The following CFAP54 variants were observed in gnomAD, a reference collection of about 807,000 sequenced individuals.
The protein encoded by CFAP54 is cilia- and flagella-associated protein 54.
A neutral mutation model predicts 370.4 loss-of-function variants in CFAP54; 290 were observed. That is an observed-to-expected ratio of 0.78 (90% confidence interval 0.71 to 0.86). The LOEUF is 0.86. CFAP54 is among the 40% of genes least tolerant of loss of function. The pLI is 0.00. For missense variants in CFAP54, 3,399 were observed against 3,528.7 expected (o/e 0.96, Z 0.93); for synonymous variants, 1,206 against 1,236.5 (o/e 0.98, Z 0.52).
chr12:96,834,953 G>T (rs1164078225), intron 66 of CFAP54, among the ~76,000 whole-genome samples: 1 of 152,124 alleles, frequency 6.6e-6, no homozygotes, highest in Non-Finnish European at 1.5e-5. Flanking sequence ...TGCAGCCAGG[G>T]TGTCCCAATG....
chr12:96,544,732 G>A (rs1256040587), intron 14 of CFAP54, among the ~76,000 whole-genome samples: 1 of 152,090 alleles, frequency 6.6e-6, no homozygotes, highest in Non-Finnish European at 1.5e-5. Flanking sequence ...CTGAAACTGA[G>A]TAATTTATAA....
chr12:96,691,347 G>T, intron 44 of CFAP54, 37 bp downstream of exon 44: 6 of 1,463,138 alleles, frequency 4.1e-6, no homozygotes, highest in East Asian at 2.4e-5. Context: ...TATATCACTG[G>T]GATATTTTGC....
chr12:96,523,747 A>T (rs965499605), intron 8 of CFAP54, among the ~76,000 whole-genome samples: 1 of 152,126 alleles, frequency 6.6e-6, no homozygotes, highest in Admixed American at 6.5e-5. Flanking sequence ...TAAATATCCA[A>T]AGTTGCAAGA....
intron 14 of CFAP54, among the ~76,000 whole-genome samples, chr12:96,541,464 T>G (rs1242968260): frequency 6.6e-6 from 1 of 152,104 alleles, no homozygotes; most frequent in African/African-American, 2.4e-5. Context: ...TTTTGTATTT[T>G]TAGTAGAGAC....
chr12:96,763,785 G>GTA (rs1220431288), intron 58 of CFAP54, among the ~76,000 whole-genome samples: 2 of 151,856 alleles, frequency 1.3e-5, no homozygotes, highest in African/African-American at 4.8e-5. Flanking sequence ...TCTCAAAAAT[G>GTA]TATATATATA....
rs114097170 is a variant in CFAP54, at chr12:96,669,913, C to T, written c.5563+5981C>T. Reference sequence around the variant, plus strand: ...ACATGGAGCATAAACTTGAGGATGGCGTCCTGGATAGCACCAACATTTAGG... The same window carrying T: ...ACATGGAGCATAAACTTGAGGATGGTGTCCTGGATAGCACCAACATTTAGG... On this transcript the variant is annotated intron_variant, in intron 39 of 67. Transcript: ENST00000524981. Among the ~76,000 whole-genome samples, 814 of 152,206 alleles carry T rather than the reference C, an allele frequency of 5.3e-3. 5 individuals are homozygous for T. The highest frequency in any genetic ancestry group is 0.019 in the African/African-American group (777 of 41,512).
intron 66 of CFAP54, among the ~76,000 whole-genome samples, chr12:96,857,125 ATG>A (rs1959725818): frequency 1.3e-5 from 2 of 152,180 alleles, no homozygotes; most frequent in Non-Finnish European, 2.9e-5. Flanking sequence ...CAAGAACAGC[ATG>A]GAGGTAGCTG....
chr12:96,816,402 G>A (rs1009271445), intron 64 of CFAP54, among the ~76,000 whole-genome samples: 1 of 152,046 alleles, frequency 6.6e-6, no homozygotes, highest in Non-Finnish European at 1.5e-5. Context: ...ATTTTTCAAT[G>A]GGTAAGTTTT....
At chr12:96,618,041 G>T (rs1956441974) in intron 26 of CFAP54, among the ~76,000 whole-genome samples, 1 of 150,442 alleles carries the variant, frequency 6.6e-6, no homozygotes, top group South Asian at 2.1e-4. Context: ...CCCCCAAAAA[G>T]CTCTTCCATC....
intron 67 of CFAP54, among the ~76,000 whole-genome samples, chr12:96,873,635 T>C (rs980138043): frequency 2.0e-5 from 3 of 152,214 alleles, no homozygotes; most frequent in African/African-American, 4.8e-5. Flanking sequence ...AAGGGCAAGA[T>C]AGTAAATCTA....
intron 28 of CFAP54, among the ~76,000 whole-genome samples, chr12:96,624,779 T>C (rs1302934848): frequency 6.6e-6 from 1 of 152,190 alleles, no homozygotes; most frequent in Non-Finnish European, 1.5e-5. Context: ...TCTTGTGGGC[T>C]TCACTGACTT....
intron 50 of CFAP54, among the ~76,000 whole-genome samples, chr12:96,733,886 T>C (rs1248637646): frequency 2.6e-5 from 4 of 152,198 alleles, no homozygotes; most frequent in Non-Finnish European, 5.9e-5. Flanking sequence ...ATGAGAAGAA[T>C]GGAATGGGTA....
At position 96,860,968 on chromosome 12, in the gene CFAP54, A is replaced by G; in HGVS notation, c.*14+16A>G. The G allele has an allele frequency of 1.4e-6, 2 of 1,461,282 alleles. No homozygotes were observed. Among genetic ancestry groups the G allele is most frequent in the South Asian group, 1.4e-5 (1 of 69,100 alleles). 90.5% of individuals were successfully genotyped at this position (1,461,282 alleles called of 1,614,324 possible). ...CCTATACACGGTAACCTTATACAGG[A>G]TTTAATTGTTGTTGTTTCTCTTCAT... On this transcript the variant is annotated intron_variant, in intron 67 of 67. Coordinates refer to ENST00000524981, the MANE Select transcript of CFAP54 (RefSeq NM_001306084.2).
chr12:96,811,996 G>C (rs1232581556), intron 64 of CFAP54, among the ~76,000 whole-genome samples, 154 bp downstream of exon 64: 2 of 152,190 alleles, frequency 1.3e-5, no homozygotes, highest in Non-Finnish European at 2.9e-5. Context: ...ATATTGCAGT[G>C]CTTAAGGGCA....
At chr12:96,545,181 G>A (rs964065455) in intron 14 of CFAP54, among the ~76,000 whole-genome samples, 3 of 152,090 alleles carry the variant, frequency 2.0e-5, no homozygotes, top group Non-Finnish European at 2.9e-5. Context: ...CCAAAGTGCT[G>A]AGATTACAGG....
intron 66 of CFAP54, among the ~76,000 whole-genome samples, chr12:96,850,954 G>C (rs1959525453): frequency 6.6e-6 from 1 of 152,144 alleles, no homozygotes; most frequent in Non-Finnish European, 1.5e-5. Flanking sequence ...ATTACAATTT[G>C]AGATGAGATT....
intron 22 of CFAP54, among the ~76,000 whole-genome samples, chr12:96,587,001 A>T (rs979360292): frequency 4.6e-5 from 7 of 152,124 alleles, no homozygotes; most frequent in Non-Finnish European, 1.5e-5. Flanking sequence ...AGCTAACAAG[A>T]GTCCATAAAG....
chr12:96,572,585 G>C (rs1222019500), intron 19 of CFAP54, among the ~76,000 whole-genome samples: 3 of 152,162 alleles, frequency 2.0e-5, no homozygotes, highest in Admixed American at 1.3e-4. Context: ...TATCTGGCAA[G>C]TATTAGAGGA....
Position 96,704,738 on chromosome 12 carries a change from G to T in CFAP54, c.6475-5G>T. The T allele has an allele frequency of 8.1e-7, 1 of 1,228,948 alleles. No homozygotes were observed. The highest frequency in any genetic ancestry group is 1.4e-5 in the South Asian group (1 of 69,268). The allele number at this position is 1,228,948 out of a possible 1,614,324, so 76.1% of individuals were successfully genotyped here. A position where few individuals can be genotyped will look rare whatever the true frequency, so the allele number is the denominator to read the frequency against. On this transcript the variant is annotated splice_region_variant and splice_polypyrimidine_tract_variant and intron_variant, in intron 46 of 67. Transcript: ENST00000524981. Reference sequence around the variant, plus strand: ...TCTTGCTGTTACTATTTTGTATTTTGACAGATCTTTCAATCATTTGACTCA... The same window carrying T: ...TCTTGCTGTTACTATTTTGTATTTTTACAGATCTTTCAATCATTTGACTCA...
Sources: gnomAD v4.1 joint callset for allele counts (sites outside exome capture counted in the v4.1 genomes callset) on GRCh38, gnomAD v4.1.1 for gene constraint, MANE v1.5 for transcripts, NCBI Gene and HGNC (gene_info 2026-07-23, HGNC 2026-07-21) for gene names.